ESRRG: variants seen among roughly 807,000 people sequenced by gnomAD.
ESRRG encodes the protein estrogen related receptor gamma, also known as estrogen-related receptor gamma.
A neutral mutation model predicts 44.0 loss-of-function variants in ESRRG; 13 were observed. That is an observed-to-expected ratio of 0.30 (90% CI 0.19 to 0.47). The LOEUF is 0.47. ESRRG is among the 20% of genes least tolerant of loss of function. The pLI is 1.00. For synonymous variants in ESRRG, 215 were observed against 214.6 expected, an observed-to-expected ratio of 1.00 and a Z score of -0.02; for missense variants, 395 against 580.6, an observed-to-expected ratio of 0.68 and a Z score of 3.29.
chr1:216,886,079 A>T (rs1192112881), intron 2 of ESRRG, among the ~76,000 whole-genome samples: 5 of 151,998 alleles, frequency 3.3e-5, no homozygotes, highest in African/African-American at 1.2e-4. Context: ...TTTATTTTTG[A>T]ATTGCTAGAG....
chr1:216,855,264 A>G (rs1017091920), intron 2 of ESRRG: 2 of 152,198 alleles, frequency 1.3e-5, no homozygotes, highest in Admixed American at 6.5e-5. Context: ...GTACAAAGCC[A>G]TGTTCCTGGC....
chr1:216,621,992 C>T (rs1392248252), intron 3 of ESRRG, among the ~76,000 whole-genome samples: 3 of 152,196 alleles, frequency 2.0e-5, no homozygotes, highest in Admixed American at 6.5e-5. Context: ...GCACTTGTGA[C>T]TTCCCTGCAC....
rs181348699 is a variant in ESRRG at position 216,620,250 on chromosome 1, G to A, written c.589+30723C>T. ...TCATCCACAAAATGGGTTAAAAATCGTATCTAATTCATAGCATTGTTTTGA... is the reference window on the plus strand; with the variant it reads ...TCATCCACAAAATGGGTTAAAAATCATATCTAATTCATAGCATTGTTTTGA... On this transcript the variant is annotated intron_variant, in intron 3 of 6. Coordinates refer to ENST00000408911, the MANE Select transcript of ESRRG (RefSeq NM_001438.4). 6.8e-4 allele frequency among the ~76,000 whole-genome samples: 104 copies of A among 152,134 alleles called. No individual in the cohort carries two copies. In the South Asian group the frequency reaches 7.9e-3, roughly 12 times the overall value.
intron 2 of ESRRG, among the ~76,000 whole-genome samples, chr1:216,882,928 T>C (rs1481156763): frequency 2.0e-5 from 3 of 151,610 alleles, no homozygotes; most frequent in Non-Finnish European, 2.9e-5. Context: ...TTGGAAATCA[T>C]TGTCTGAAAA....
chr1:216,636,088 A>C lies in ESRRG; in HGVS notation c.589+14885T>G, dbSNP rs570430849. Reference sequence around the variant, plus strand: ...TACTATTATCACTATTTTACAGACTAAGAAACTGAGGCTAGAGACATAAAG... The same window carrying C: ...TACTATTATCACTATTTTACAGACTCAGAAACTGAGGCTAGAGACATAAAG... On this transcript the variant is annotated intron_variant, in intron 3 of 6. Coordinates refer to ENST00000408911, the MANE Select transcript of ESRRG (RefSeq NM_001438.4). Among the ~76,000 whole-genome samples, 6 of 152,320 alleles carry C rather than the reference A, an allele frequency of 3.9e-5. No homozygotes were observed. In the East Asian group the frequency reaches 1.2e-3, roughly 29 times the overall value.
At chr1:216,619,105 A>T (rs934730361) in intron 3 of ESRRG, among the ~76,000 whole-genome samples, 3 of 152,220 alleles carry the variant, frequency 2.0e-5, no homozygotes, top group African/African-American at 7.2e-5. Context: ...TCCTTGTTTA[A>T]TGCATTTACA....
At chr1:216,522,030 C>T (rs2046234397) in intron 5 of ESRRG, among the ~76,000 whole-genome samples, 1 of 152,080 alleles carries the variant, frequency 6.6e-6, no homozygotes, top group Admixed American at 6.6e-5. Context: ...AACAATGTTA[C>T]AGCCATAACA....
At chr1:216,595,093 A>G (rs919487317) in intron 3 of ESRRG, among the ~76,000 whole-genome samples, 4 of 152,264 alleles carry the variant, frequency 2.6e-5, no homozygotes, top group African/African-American at 4.8e-5. Flanking sequence ...CCCTTGCTCT[A>G]TGAAAGAGGA....
At chr1:216,612,472 G>A (rs1453850865) in intron 3 of ESRRG, among the ~76,000 whole-genome samples, 1 of 152,056 alleles carries the variant, frequency 6.6e-6, no homozygotes, top group Non-Finnish European at 1.5e-5. Context: ...AAACTTGTTG[G>A]CACTCTTTTA....
At chr1:216,911,809 C>A (rs1489749803) in intron 2 of ESRRG, among the ~76,000 whole-genome samples, 6 of 152,052 alleles carry the variant, frequency 3.9e-5, no homozygotes, top group Non-Finnish European at 7.4e-5. Context: ...GCGGCATATG[C>A]CTGTAATCCT....
At chr1:217,021,530 G>C (rs2080325935) in intron 1 of ESRRG, among the ~76,000 whole-genome samples, 1 of 152,186 alleles carries the variant, frequency 6.6e-6, no homozygotes, top group Middle Eastern at 3.2e-3. Flanking sequence ...CAAAAACCTT[G>C]AAGGGCTTCA....
chr1:216,871,582 C>G (rs1373270905), intron 2 of ESRRG, among the ~76,000 whole-genome samples: 1 of 151,964 alleles, frequency 6.6e-6, no homozygotes, highest in African/African-American at 2.4e-5. Context: ...TTTGAAGTCT[C>G]TAACTATAAT....
At chr1:217,100,000 G>C (rs1327180879) in intron 1 of ESRRG, among the ~76,000 whole-genome samples, 1 of 148,910 alleles carries the variant, frequency 6.7e-6, no homozygotes, top group Non-Finnish European at 1.5e-5. Context: ...AAAAAAAAAC[G>C]CATTTGTGAA....
chr1:216,699,758 G>A (rs1417303885), intron 1 of ESRRG, among the ~76,000 whole-genome samples: 1 of 152,164 alleles, frequency 6.6e-6, no homozygotes, highest in Non-Finnish European at 1.5e-5. Context: ...CACCATGTGA[G>A]TTAATTTACA....
intron 2 of ESRRG, among the ~76,000 whole-genome samples, chr1:216,834,274 A>G (rs1460581054): frequency 1.3e-5 from 2 of 152,004 alleles, no homozygotes; most frequent in Non-Finnish European, 2.9e-5. Context: ...AGTGTCTTGC[A>G]CCTGTAGTCC....
At chr1:216,837,571 C>T (rs1274917224) in intron 2 of ESRRG, among the ~76,000 whole-genome samples, 1 of 152,016 alleles carries the variant, frequency 6.6e-6, no homozygotes, top group Non-Finnish European at 1.5e-5. Context: ...AAAGATAGCC[C>T]AGTGGGTTGG....
chr1:217,135,363 G>A (rs2093033879), intron 1 of ESRRG, among the ~76,000 whole-genome samples: 2 of 152,212 alleles, frequency 1.3e-5, no homozygotes, highest in South Asian at 4.1e-4. Flanking sequence ...AACTCAGCTG[G>A]AAGTTGAGGG....
At chr1:216,529,135 T>C (rs1317913334) in intron 5 of ESRRG, among the ~76,000 whole-genome samples, 1 of 152,168 alleles carries the variant, frequency 6.6e-6, no homozygotes. Flanking sequence ...CAGTTCTACC[T>C]GCTGTGGGAA....
At chr1:216,985,649 T>C (rs573816549) in intron 1 of ESRRG, 1 of 152,336 alleles carries the variant, frequency 6.6e-6, no homozygotes, top group African/African-American at 2.4e-5. Flanking sequence ...TTGAAGGCCA[T>C]TTGTCTGACA....
Sources: gnomAD v4.1 joint callset for allele counts (sites outside exome capture counted in the v4.1 genomes callset) on GRCh38, gnomAD v4.1.1 for gene constraint, MANE v1.5 for transcripts, NCBI Gene and HGNC (gene_info 2026-07-23, HGNC 2026-07-21) for gene names.